AQR: variants seen among roughly 807,000 people sequenced by gnomAD.
The protein encoded by AQR is aquarius intron-binding spliceosomal factor, also known as RNA helicase aquarius.
A neutral mutation model predicts 180.5 loss-of-function variants in AQR; 61 were observed. That is an observed-to-expected ratio of 0.34 (90% CI 0.28 to 0.42). The LOEUF is 0.42. Ranked by LOEUF, AQR falls within the 10% of genes least tolerant of loss-of-function variation. The pLI is 1.00. For synonymous variants in AQR, 551 were observed against 588.8 expected (o/e 0.94, Z 0.93); for missense variants, 1,281 against 1,798.3 (o/e 0.71, Z 5.20).
intron 2 of AQR, among the ~76,000 whole-genome samples, chr15:34,961,468 G>T (rs997235949): frequency 6.6e-6 from 1 of 151,846 alleles, no homozygotes; most frequent in Non-Finnish European, 1.5e-5. Context: ...ATATTAGCTG[G>T]GCGTGGTGGC....
intron 34 of AQR, among the ~76,000 whole-genome samples, chr15:34,858,756 G>A (rs990668950): frequency 6.6e-6 from 1 of 152,096 alleles, no homozygotes; most frequent in Non-Finnish European, 1.5e-5. Context: ...CAGAATAATG[G>A]AACAGAATAG....
intron 34 of AQR, among the ~76,000 whole-genome samples, chr15:34,859,796 G>C (rs530155537): frequency 2.4e-4 from 37 of 152,252 alleles, no homozygotes; most frequent in Admixed American, 9.2e-4. Flanking sequence ...TGTGCTGATG[G>C]CTTCACAGGT....
chr15:34,955,098 A>G (rs975439193), intron 3 of AQR, among the ~76,000 whole-genome samples: 1 of 152,134 alleles, frequency 6.6e-6, no homozygotes, highest in Non-Finnish European at 1.5e-5. Context: ...ACTCCAGCCC[A>G]GGTGACAGAG....
intron 5 of AQR, among the ~76,000 whole-genome samples, chr15:34,945,310 ACTCT>A (rs1302491875): frequency 5.3e-5 from 8 of 151,832 alleles, no homozygotes; most frequent in Non-Finnish European, 8.8e-5. Flanking sequence ...ATTATTCCTC[ACTCT>A]CTATTACCTA....
chr15:34,918,333 G>C lies in AQR; in HGVS notation c.1267C>G (p.Gln423Glu), dbSNP rs1437782583. 1.2e-6 allele frequency: 2 copies of C among 1,613,604 alleles called. No individual in the cohort carries two copies. Among genetic ancestry groups the C allele is most frequent in the Admixed American group, 3.3e-5 (2 of 59,992 alleles). The change falls in exon 15 of 35, where the codon CAG (glutamine) becomes GAG (glutamate). Residue 423 changes from glutamine to glutamate, a missense_variant. Physicochemically the swap from Gln to Glu is conservative, Grantham distance 29. This residue lies in a region of AQR where 404 missense variants were observed against 490.9 expected (regional missense o/e 0.82). Coordinates refer to ENST00000156471, the MANE Select transcript of AQR (RefSeq NM_014691.3). ...TTCTCAGTTGGATACAAAGGCATCTGGTTCAACTGCTGAATCTGAGAAATT... is the reference window on the plus strand; with the variant it reads ...TTCTCAGTTGGATACAAAGGCATCTCGTTCAACTGCTGAATCTGAGAAATT... ...RRISQIQQLN[Q>E]MPLYPTEKII...
intron 20 of AQR, among the ~76,000 whole-genome samples, chr15:34,900,041 C>T (rs753431275): frequency 3.9e-5 from 6 of 152,076 alleles, no homozygotes; most frequent in Middle Eastern, 3.4e-3. Flanking sequence ...TACAGGTGTG[C>T]GCCACCATGC....
chr15:34,891,732 T>A (rs1269273936), intron 23 of AQR, among the ~76,000 whole-genome samples: 4 of 151,560 alleles, frequency 2.6e-5, no homozygotes, highest in Admixed American at 2.6e-4. Flanking sequence ...GAACAAATTT[T>A]ATAAACAGAA....
intron 16 of AQR, among the ~76,000 whole-genome samples, chr15:34,912,951 T>C (rs1893522461): frequency 6.6e-6 from 1 of 152,184 alleles, no homozygotes; most frequent in Non-Finnish European, 1.5e-5. Context: ...TTGGTTAGTA[T>C]TGGGACAATG....
rs1173377977 is a variant in AQR at position 34,946,691 on chromosome 15, G to A, written c.330+1573C>T. On this transcript the variant is annotated intron_variant, in intron 5 of 34. Coordinates refer to ENST00000156471, the MANE Select transcript of AQR (RefSeq NM_014691.3). ...AGCCCCTCTGCCCGGCCAGCCGCCC[G>A]TCCGGGAGGGAGGTGGGGGGGTCAG... Among the ~76,000 whole-genome samples, 74 of 130,130 alleles carry A rather than the reference G, an allele frequency of 5.7e-4. 1 individual carries two copies. Among genetic ancestry groups the A allele is most frequent in the African/African-American group, 2.1e-3 (72 of 33,954 alleles). The allele number at this position is 130,130 out of a possible 152,430, so 85.4% of individuals were successfully genotyped here. A position where few individuals can be genotyped will look rare whatever the true frequency, so the allele number is the denominator to read the frequency against.
At position 34,890,285 on chromosome 15, in the gene AQR, T is replaced by C. The variant is rs770815262; in HGVS notation, c.2611A>G (p.Ile871Val). The C allele has an allele frequency of 1.4e-5, 23 of 1,613,736 alleles. No individual in the cohort carries two copies. In the South Asian group the frequency reaches 1.9e-4, roughly 13 times the overall value. The change falls in exon 24 of 35, where the codon ATT becomes GTT. Residue 871 changes from isoleucine (I) to valine (V), a missense_variant. Transcript: ENST00000156471. ...AGACGCAGTAGGTGGCGCTCATCAATGTCTAATGCCATGATTTTCTCAAAC... is the reference window on the plus strand; with the variant it reads ...AGACGCAGTAGGTGGCGCTCATCAACGTCTAATGCCATGATTTTCTCAAAC... ...QLFEKIMALDIDERHLLRLGH... is the reference protein window; with the variant it reads ...QLFEKIMALDVDERHLLRLGH...
chr15:34,874,889 G>T (rs562834652), intron 28 of AQR, 25 bp from the exon 29 acceptor site: 1 of 1,600,756 alleles, frequency 6.2e-7, no homozygotes, highest in Admixed American at 1.7e-5. Flanking sequence ...TAAGGAAATG[G>T]CAAAATACTC....
rs1180901651 is a variant in AQR, at chr15:34,852,597, T to G, written c.*4195A>C. 1 of 152,174 alleles carries G rather than the reference T, an allele frequency of 6.6e-6. No homozygotes were observed. The highest frequency in any genetic ancestry group is 2.4e-5 in the African/African-American group (1 of 41,450). The allele number at this position is 152,174 out of a possible 1,614,324, so 9.4% of individuals were successfully genotyped here. A position where few individuals can be genotyped will look rare whatever the true frequency, so the allele number is the denominator to read the frequency against. ...AAAAAACAAAAACAAAGTTTTATGC[T>G]CTAATAAGTTTGGGAAATGCTAGGT... On this transcript the variant is annotated 3_prime_UTR_variant, in exon 35 of 35. Coordinates refer to ENST00000156471, the MANE Select transcript of AQR (RefSeq NM_014691.3).
At chr15:34,964,342 G>A in intron 1 of AQR, 52 bp from the exon 2 acceptor site, 2 of 1,404,004 alleles carry the variant, frequency 1.4e-6, no homozygotes, top group Middle Eastern at 3.5e-4. Flanking sequence ...CCATTGTAGA[G>A]CTGGAAGACA....
At chr15:34,939,305 G>A (rs1042802026) in intron 8 of AQR, among the ~76,000 whole-genome samples, 1 of 152,132 alleles carries the variant, frequency 6.6e-6, no homozygotes, top group African/African-American at 2.4e-5. Context: ...CTGACCTTGT[G>A]GTCCACCCGC....
At chr15:34,951,934 T>G (rs566402633) in intron 4 of AQR, among the ~76,000 whole-genome samples, 7 of 152,270 alleles carry the variant, frequency 4.6e-5, no homozygotes, top group East Asian at 1.9e-4. Flanking sequence ...CTTACTGGTG[T>G]TGTTGTCAGG....
At chr15:34,869,777 ATC>A (rs1175301382) in intron 31 of AQR, 1 of 151,974 alleles carries the variant, frequency 6.6e-6, no homozygotes, top group East Asian at 1.9e-4. Context: ...CTTACATTTC[ATC>A]TCTTTCTGAG....
At chr15:34,902,779 ACT>A (rs1893351209) in intron 19 of AQR, among the ~76,000 whole-genome samples, 1 of 152,074 alleles carries the variant, frequency 6.6e-6, no homozygotes. Flanking sequence ...AAACTTGGAA[ACT>A]CTTAGATTTC....
chr15:34,941,566 G>T (rs1368781550), intron 7 of AQR, among the ~76,000 whole-genome samples: 1 of 152,146 alleles, frequency 6.6e-6, no homozygotes, highest in African/African-American at 2.4e-5. Context: ...AAATCTGATA[G>T]TTTTAACTAA....
intron 29 of AQR, 149 bp from the exon 30 acceptor site, chr15:34,874,148 A>C: frequency 1.4e-6 from 1 of 731,076 alleles, no homozygotes; most frequent in Non-Finnish European, 2.0e-6. Context: ...ATGCTCTTTC[A>C]ACCTTAGCTT....
Sources: gnomAD v4.1 joint callset for allele counts (sites outside exome capture counted in the v4.1 genomes callset) on GRCh38, gnomAD v4.1.1 for gene constraint, gnomAD v4.1.1 regional missense constraint, MANE v1.5 for transcripts, NCBI Gene and HGNC (gene_info 2026-07-23, HGNC 2026-07-21) for gene names.